SRGAP3: variants seen among roughly 807,000 people sequenced by gnomAD.
SRGAP3 encodes the protein SLIT-ROBO Rho GTPase-activating protein 3.
A neutral mutation model predicts 121.1 loss-of-function variants in SRGAP3; 39 were observed. That is an observed-to-expected ratio of 0.32 (90% CI 0.25 to 0.42). SRGAP3 has a LOEUF of 0.42. Ranked by LOEUF, SRGAP3 falls within the 10% of genes least tolerant of loss-of-function variation. The pLI, the probability that SRGAP3 is intolerant of heterozygous loss-of-function variation, is 1.00. For missense variants in SRGAP3, 1,213 were observed against 1,470.6 expected (o/e 0.82, Z 2.86); for synonymous variants, 601 against 570.0 (o/e 1.05, Z -0.77).
chr3:9,098,655 AT>A (rs1439582194), intron 3 of SRGAP3, among the ~76,000 whole-genome samples: 1 of 152,198 alleles, frequency 6.6e-6, no homozygotes, highest in Non-Finnish European at 1.5e-5. Context: ...CTTTCTTGGC[AT>A]CAGTTTCCTC....
upstream of SRGAP3, among the ~76,000 whole-genome samples, chr3:9,252,010 C>T (rs542224095): frequency 2.6e-5 from 4 of 152,282 alleles, no homozygotes; most frequent in Non-Finnish European, 4.4e-5. Context: ...TTTTTTAGAG[C>T]TGTGGAAATG....
chr3:9,277,607 CAAAAAAAAAAAA>C (rs35955575), intron 3 of SRGAP3, among the ~76,000 whole-genome samples: 1 of 59,832 alleles, frequency 1.7e-5, no homozygotes, highest in Non-Finnish European at 3.0e-5. Context: ...GAAGCCATCT[CAAAAAAAAAAAA>C]AAAAAAAAAA....
At chr3:9,219,455 C>T (rs1356597332) in intron 1 of SRGAP3, 2 of 152,128 alleles carry the variant, frequency 1.3e-5, no homozygotes, top group Non-Finnish European at 2.9e-5. Context: ...AGGTTATCAC[C>T]TCTATTTACA....
intron 3 of SRGAP3, among the ~76,000 whole-genome samples, chr3:9,087,634 A>G (rs1394715969): frequency 6.6e-6 from 1 of 152,198 alleles, no homozygotes; most frequent in Admixed American, 6.6e-5. Context: ...CTGGTTCATG[A>G]AGAGAGAAGC....
At chr3:9,028,189 A>G (rs10510396) in intron 12 of SRGAP3, 384,254 of 1,605,952 alleles carry the variant, frequency 0.24, 47,875 homozygotes, top group Non-Finnish European at 0.25. Context: ...TTATGCAGGA[A>G]TAAGATCAGT....
Position 9,002,503 on chromosome 3 carries a change from C to T in SRGAP3, c.2227+7805G>A, listed in dbSNP as rs531738014. On this transcript the variant is annotated intron_variant, in intron 18 of 21. Transcript: ENST00000383836. ...AGGGAAAAAAACCCAAACCTCAAATCAATAACCTAAACTTCCACCTTAAGA... is the reference window on the plus strand; with the variant it reads ...AGGGAAAAAAACCCAAACCTCAAATTAATAACCTAAACTTCCACCTTAAGA... Among the ~76,000 whole-genome samples the T allele has an allele frequency of 9.9e-5, 15 of 152,182 alleles. 1 individual carries two copies. In the East Asian group the frequency reaches 2.9e-3, roughly 29 times the overall value.
chr3:9,064,142 C>A (rs1176516500), intron 5 of SRGAP3, among the ~76,000 whole-genome samples: 1 of 152,210 alleles, frequency 6.6e-6, no homozygotes, highest in African/African-American at 2.4e-5. Flanking sequence ...GAGTTGAGCA[C>A]CTCGTCTGCC....
chr3:9,010,094 G>A (rs1028184286), intron 18 of SRGAP3, among the ~76,000 whole-genome samples: 1 of 152,228 alleles, frequency 6.6e-6, no homozygotes, highest in African/African-American at 2.4e-5. Flanking sequence ...TGAACACAGC[G>A]TGAGCCTATG....
At chr3:9,185,021 T>C (rs1951552104) in intron 1 of SRGAP3, among the ~76,000 whole-genome samples, 1 of 152,072 alleles carries the variant, frequency 6.6e-6, no homozygotes, top group Non-Finnish European at 1.5e-5. Flanking sequence ...CCCAGACTAG[T>C]TCAAGACCAG....
chr3:9,153,895 G>A lies in SRGAP3; in HGVS notation c.68-28978C>T, dbSNP rs560236133. Among the ~76,000 whole-genome samples, 10 of 152,250 alleles carry A rather than the reference G, an allele frequency of 6.6e-5. No individual in the cohort carries two copies. In the South Asian group the frequency reaches 2.1e-3, roughly 32 times the overall value. On this transcript the variant is annotated intron_variant, in intron 1 of 21. Transcript: ENST00000383836. ...TGGAATTGAAACCCCTGTAAGATGG[G>A]ATCTGCCTCTGAAGAAGCTGACAGC... is the stretch of plus-strand genomic sequence containing the variant.
At chr3:9,058,531 C>A in intron 6 of SRGAP3, 59 bp from the exon 7 acceptor site, 3 of 1,511,552 alleles carry the variant, frequency 2.0e-6, no homozygotes, top group South Asian at 2.3e-5. Context: ...GAGGGGCGGT[C>A]ACTGGCCACC....
chr3:9,040,907 T>C (rs796737815), intron 10 of SRGAP3, among the ~76,000 whole-genome samples: 18 of 152,356 alleles, frequency 1.2e-4, no homozygotes, highest in African/African-American at 3.8e-4. Context: ...TCTATCTCCA[T>C]TGGAAAATAC....
chr3:9,321,319 C>A (rs768215241), intron 3 of SRGAP3, among the ~76,000 whole-genome samples: 1 of 151,892 alleles, frequency 6.6e-6, no homozygotes, highest in Admixed American at 6.5e-5. Flanking sequence ...GAATTCCTGA[C>A]CCATAGAAAT....
At chr3:9,336,205 C>G (rs1406044563) in intron 1 of SRGAP3, among the ~76,000 whole-genome samples, 4 of 151,800 alleles carry the variant, frequency 2.6e-5, no homozygotes, top group African/African-American at 4.8e-5. Flanking sequence ...CCCTCTCCCC[C>G]TCCCCCTCCC....
At chr3:9,252,619 A>G (rs1343255795), upstream of SRGAP3, among the ~76,000 whole-genome samples, 1 of 152,072 alleles carries the variant, frequency 6.6e-6, no homozygotes, top group Non-Finnish European at 1.5e-5. Context: ...CAATAAACCC[A>G]CATCATCTGG....
At chr3:9,347,813 A>C (rs916540314) in intron 1 of SRGAP3, among the ~76,000 whole-genome samples, 7 of 152,270 alleles carry the variant, frequency 4.6e-5, no homozygotes, top group African/African-American at 1.7e-4. Flanking sequence ...CCACCAGCCC[A>C]ACTTGCACTT....
At chr3:9,304,222 G>A (rs147282274) in intron 3 of SRGAP3, among the ~76,000 whole-genome samples, 3 of 152,262 alleles carry the variant, frequency 2.0e-5, no homozygotes, top group East Asian at 1.9e-4. Flanking sequence ...ACACCCAGCA[G>A]AGAGCCTGGC....
chr3:9,149,354 T>G (rs1446047128), intron 1 of SRGAP3, among the ~76,000 whole-genome samples: 1 of 152,178 alleles, frequency 6.6e-6, no homozygotes, highest in Non-Finnish European at 1.5e-5. Context: ...AATCCTAAGC[T>G]ATGACCCAGG....
chr3:9,018,933 C>G (rs761154695), intron 14 of SRGAP3, among the ~76,000 whole-genome samples: 1 of 152,154 alleles, frequency 6.6e-6, no homozygotes. Flanking sequence ...TTTTTAATAT[C>G]TTCTTATTTC....
Sources: gnomAD v4.1 joint callset for allele counts (sites outside exome capture counted in the v4.1 genomes callset) on GRCh38, gnomAD v4.1.1 for gene constraint, MANE v1.5 for transcripts, NCBI Gene and HGNC (gene_info 2026-07-23, HGNC 2026-07-21) for gene names.